The following POLR3H variants were observed in gnomAD, a reference collection of about 807,000 sequenced individuals.
POLR3H encodes RNA polymerase III subunit H.
A neutral mutation model predicts 25.5 loss-of-function variants in POLR3H; 17 were observed. The ratio of observed to expected loss-of-function variants is 0.67; its 90% CI spans 0.46 to 1.00. The LOEUF (loss-of-function observed/expected upper bound fraction) is 1.00. Ranked by LOEUF, POLR3H falls within the 50% of genes least tolerant of loss-of-function variation. The pLI is 0.00. For missense variants in POLR3H, 274 were observed against 265.0 expected (o/e 1.03, Z -0.24); for synonymous variants, 129 against 103.0 (o/e 1.25, Z -1.53).
chr22:41,540,932 TGGAGG>T, intron 1 of POLR3H, 137 bp from the exon 2 acceptor site: 1 of 666,310 alleles, frequency 1.5e-6, no homozygotes, highest in Non-Finnish European at 2.6e-6. Context: ...AATGAGTTTG[TGGAGG>T]GGACCAGGGT....
rs190551916 is a variant in POLR3H at position 41,529,838 on chromosome 22, C to A, written c.562-502G>T. On this transcript the variant is annotated intron_variant, in intron 5 of 5. Transcript: ENST00000355209. ...TGGCACGATCTTGGCTCACTGCAACCTCCACCTCCCGGGTTCACACCATTC... is the reference window on the plus strand; with the variant it reads ...TGGCACGATCTTGGCTCACTGCAACATCCACCTCCCGGGTTCACACCATTC... 2.6e-5 allele frequency among the ~76,000 whole-genome samples: 4 copies of A among 152,002 alleles called. 1 individual carries two copies. The South Asian group carries it at 8.3e-4, about 32-fold the overall frequency.
chr22:41,533,710 C>G, intron 2 of POLR3H: 1 of 1,304,108 alleles, frequency 7.7e-7, no homozygotes, highest in Non-Finnish European at 1.0e-6. Flanking sequence ...AAACGTGAGC[C>G]ATCACAGCCA....
In POLR3H at chr22:41,544,025, A is replaced by G. The variant is rs149477274; in HGVS notation, c.77T>C (p.Ile26Thr). The G allele has an allele frequency of 8.7e-6, 14 of 1,613,816 alleles. No individual in the cohort carries two copies. The highest frequency in any genetic ancestry group is 1.2e-5 in the Non-Finnish European group (14 of 1,179,734). ...WQFERKLNDS[I>T]AEELNKKLAN... ...CAACTTCTTGTTCAGCTCCTCGGCA[A>G]TGGAGTCGTTGAGCTTCCTCTCAAA... Residue 26 changes from isoleucine to threonine, a missense_variant, in exon 1 of 6, where the codon ATT becomes ACT. Ile to Thr is a moderately conservative substitution (Grantham distance 89). Coordinates refer to ENST00000355209, the MANE Select transcript of POLR3H (RefSeq NM_001018050.4).
At chr22:41,539,798 A>C (rs932122236) in intron 2 of POLR3H, 4 of 152,820 alleles carry the variant, frequency 2.6e-5, no homozygotes, top group African/African-American at 9.6e-5. Context: ...GTAACCAACC[A>C]GTCTGCCAAC....
intron 2 of POLR3H, among the ~76,000 whole-genome samples, chr22:41,537,094 G>C (rs575668279): frequency 4.6e-5 from 7 of 152,240 alleles, no homozygotes; most frequent in Admixed American, 2.0e-4. Flanking sequence ...AGGCTTGGAG[G>C]ATGTGGGGAA....
intron 3 of POLR3H, 187 bp downstream of exon 3, chr22:41,532,472 G>A: frequency 1.8e-6 from 2 of 1,086,592 alleles, no homozygotes; most frequent in South Asian, 3.2e-5. Flanking sequence ...CGGCCTCACA[G>A]TGAAACCGCA....
In POLR3H at chr22:41,526,407, T is replaced by A. The variant is rs757384666; in HGVS notation, c.*2876A>T. On this transcript the variant is annotated 3_prime_UTR_variant, in exon 6 of 6. Coordinates refer to ENST00000355209, the MANE Select transcript of POLR3H (RefSeq NM_001018050.4). ...AAGGCCAACTCCGTGCGCAATGCCG[T>A]CACTCAGGAGTTTGGCCCCGTCCCT... 1 of 1,613,878 alleles carries A rather than the reference T, an allele frequency of 6.2e-7. No homozygotes were observed. Among genetic ancestry groups the A allele is most frequent in the South Asian group, 1.1e-5 (1 of 91,064 alleles).
chr22:41,541,049 CCA>C (rs1313638021), intron 1 of POLR3H, among the ~76,000 whole-genome samples: 38 of 152,152 alleles, frequency 2.5e-4, no homozygotes, highest in Admixed American at 4.6e-4. Context: ...TGTGTGACTG[CCA>C]AGAGGGTCAC....
chr22:41,530,906 C>T lies in POLR3H; in HGVS notation c.360-18G>A. The T allele has an allele frequency of 1.2e-6, 2 of 1,612,762 alleles. No individual in the cohort carries two copies. Among genetic ancestry groups the T allele is most frequent in the East Asian group, 4.5e-5 (2 of 44,870 alleles). ...CTTCGTCGCTGAGGGGGTCCAGGGT[C>T]AAGGCAGCAACCAGATAGTGGGAGG... On this transcript the variant is annotated intron_variant, in intron 4 of 5. Coordinates refer to ENST00000355209, the MANE Select transcript of POLR3H (RefSeq NM_001018050.4).
Position 41,527,119 on chromosome 22 carries a change from C to T in POLR3H, c.*2164G>A. The T allele has an allele frequency of 2.1e-6, 2 of 966,162 alleles. No homozygotes were observed. The highest frequency in any genetic ancestry group is 1.7e-5 in the South Asian group (1 of 60,238). The allele number at this position is 966,162 out of a possible 1,614,324, so 59.8% of individuals were successfully genotyped here. On this transcript the variant is annotated 3_prime_UTR_variant, in exon 6 of 6. Coordinates refer to ENST00000355209, the MANE Select transcript of POLR3H (RefSeq NM_001018050.4). ...GGGCCTCGTTTGGGTCTCATTCACG[C>T]AGGCTTCACTTGCCCTTAGGCAGCA...
rs145880629 is a variant in POLR3H, at chr22:41,544,436, A to ACGCACCGCGCACCGCGCACCGCGCACCG, written c.-336_-335insCGGTGCGCGGTGCGCGGTGCGCGGTGCG. ...CCGCTCGTATCACGCACCACGCACCACGCACCGCGCACAGCCGCTCGCGCT... is the reference window on the plus strand; with the variant it reads ...CCGCTCGTATCACGCACCACGCACCACGCACCGCGCACCGCGCACCGCGCACCGCGCACCGCGCACAGCCGCTCGCGCT... On this transcript the variant is annotated 5_prime_UTR_variant, in exon 1 of 6. Transcript: ENST00000355209. 1.7e-4 allele frequency: 31 copies of ACGCACCGCGCACCGCGCACCGCGCACCG among 187,216 alleles called. No individual in the cohort carries two copies. The highest frequency in any genetic ancestry group is 4.6e-4 in the South Asian group (3 of 6,462). 11.6% of individuals were successfully genotyped at this position (187,216 alleles called of 1,614,324 possible). A position where few individuals can be genotyped will look rare whatever the true frequency, so the allele number is the denominator to read the frequency against.
At position 41,544,034 on chromosome 22, in the gene POLR3H, T is replaced by C. The variant is rs1335337346; in HGVS notation, c.68A>G (p.Asn23Ser). The change falls in exon 1 of 6, where the codon AAC (asparagine) becomes AGC (serine). Residue 23 changes from asparagine to serine, a missense_variant. Coordinates refer to ENST00000355209, the MANE Select transcript of POLR3H (RefSeq NM_001018050.4). The part of the protein sequence containing the change: ...IPPWQFERKL[N>S]DSIAEELNKK... Reference sequence around the variant, plus strand: ...GTTCAGCTCCTCGGCAATGGAGTCGTTGAGCTTCCTCTCAAACTGCCAAGG... The same window carrying C: ...GTTCAGCTCCTCGGCAATGGAGTCGCTGAGCTTCCTCTCAAACTGCCAAGG... 2 of 1,613,852 alleles carry C rather than the reference T, an allele frequency of 1.2e-6. No individual in the cohort carries two copies. The highest frequency in any genetic ancestry group is 2.2e-5 in the East Asian group (1 of 44,870).
rs927140518 is a variant in POLR3H at position 41,525,958 on chromosome 22, G to C, written c.*3325C>G. The C allele has an allele frequency of 6.3e-6, 2 of 317,702 alleles. No individual in the cohort carries two copies. Among genetic ancestry groups the C allele is most frequent in the African/African-American group, 2.1e-5 (1 of 47,136 alleles). The allele number at this position is 317,702 out of a possible 1,614,324, so 19.7% of individuals were successfully genotyped here. Reference sequence around the variant, plus strand: ...TGTGTCCAGCATGAGGTCTGTGGCTGATCTTGCAGCTGAGGCCTGAAGGGT... The same window carrying C: ...TGTGTCCAGCATGAGGTCTGTGGCTCATCTTGCAGCTGAGGCCTGAAGGGT... On this transcript the variant is annotated 3_prime_UTR_variant, in exon 6 of 6. Transcript: ENST00000355209.
intron 3 of POLR3H, 111 bp from the exon 4 acceptor site, chr22:41,532,268 G>A (rs971764988): frequency 5.6e-5 from 60 of 1,066,478 alleles, no homozygotes; most frequent in African/African-American, 4.1e-4. Context: ...CCCACGAGGC[G>A]GATGTCGCTG....
rs2066630008 is a variant in POLR3H at position 41,527,623 on chromosome 22, G to A, written c.*1660C>T. The A allele has an allele frequency of 1.2e-6, 1 of 846,120 alleles. No individual in the cohort carries two copies. Among genetic ancestry groups the A allele is most frequent in the South Asian group, 1.8e-5 (1 of 55,656 alleles). 52.4% of individuals were successfully genotyped at this position (846,120 alleles called of 1,614,324 possible). A position where few individuals can be genotyped will look rare whatever the true frequency, so the allele number is the denominator to read the frequency against. On this transcript the variant is annotated 3_prime_UTR_variant, in exon 6 of 6. Coordinates refer to ENST00000355209, the MANE Select transcript of POLR3H (RefSeq NM_001018050.4). The stretch of plus-strand genomic sequence containing the variant: ...GGCTTCCCGCAGGCCCTGCTTCCAG[G>A]CTTGTAGATCTGAGCCGCTGAGATC...
In POLR3H at chr22:41,536,313, T is replaced by C. The variant is rs545528188; in HGVS notation, c.209-3568A>G. Reference sequence around the variant, plus strand: ...GGGAGGCTGAGGCAGGAGAATGGCGTGAACCCGGGCGGCGGAGCTTGCAGT... The same window carrying C: ...GGGAGGCTGAGGCAGGAGAATGGCGCGAACCCGGGCGGCGGAGCTTGCAGT... On this transcript the variant is annotated intron_variant, in intron 2 of 5. Transcript: ENST00000355209. Among the ~76,000 whole-genome samples, 959 of 151,314 alleles carry C rather than the reference T, an allele frequency of 6.3e-3. 6 individuals are homozygous for C. Among genetic ancestry groups the C allele is most frequent in the African/African-American group, 0.022 (928 of 41,308 alleles).
intron 2 of POLR3H, among the ~76,000 whole-genome samples, chr22:41,537,895 A>G (rs2066873850): frequency 6.6e-6 from 1 of 150,942 alleles, no homozygotes; most frequent in South Asian, 2.1e-4. Context: ...GGTTCAAGCG[A>G]TTCTCCTGCC....
intron 5 of POLR3H, 105 bp from the exon 6 acceptor site, chr22:41,529,441 G>A: frequency 1.0e-6 from 1 of 998,652 alleles, no homozygotes; most frequent in Non-Finnish European, 1.5e-6. Flanking sequence ...CAAAGAAGAG[G>A]CGGGGCACAC....
At chr22:41,532,497 C>T in intron 3 of POLR3H, 162 bp downstream of exon 3, 5 of 1,293,494 alleles carry the variant, frequency 3.9e-6, no homozygotes, top group Non-Finnish European at 4.3e-6. Flanking sequence ...TGATGGAGGT[C>T]CTCACACAAC....
Sources: allele counts gnomAD v4.1 joint callset (sites outside exome capture counted in the v4.1 genomes callset), GRCh38; gene constraint gnomAD v4.1.1; transcripts MANE v1.5; gene names NCBI Gene and HGNC (gene_info 2026-07-23, HGNC 2026-07-21).